The following GLRA3 variants were observed in gnomAD, a reference collection of about 807,000 sequenced individuals.
The protein encoded by GLRA3 is glycine receptor alpha 3, also known as glycine receptor subunit alpha-3.
Under a neutral mutation model 60.4 loss-of-function variants are expected in GLRA3, and 44 were observed. The ratio of observed to expected loss-of-function variants is 0.73; its 90% CI spans 0.57 to 0.94. The LOEUF (loss-of-function observed/expected upper bound fraction) is 0.94, where lower values mean the gene tolerates loss of function less well. GLRA3 is among the 40% of genes least tolerant of loss of function. The probability of loss-of-function intolerance (pLI) is 0.00; values close to 1 mark genes in which losing one functional copy is unlikely to be tolerated. For missense variants in GLRA3, 508 were observed against 564.6 expected (o/e 0.90, Z 1.02); for synonymous variants, 223 against 192.9 (o/e 1.16, Z -1.29).
rs113137314 is a variant in GLRA3, at chr4:174,817,559, A to G, written c.71+11182T>C. On this transcript the variant is annotated intron_variant, in intron 1 of 9. Transcript: ENST00000274093. ...CCGTTCAACAGCCCTCACTTCTACT[A>G]TACAATGAATTTTAGAAACAAAGAT... Among the ~76,000 whole-genome samples the G allele has an allele frequency of 6.2e-3, 948 of 152,280 alleles. 11 individuals are homozygous for G. Among genetic ancestry groups the G allele is most frequent in the African/African-American group, 0.022 (906 of 41,552 alleles).
At chr4:174,790,960 C>T (rs1390212085) in intron 1 of GLRA3, among the ~76,000 whole-genome samples, 23 of 147,152 alleles carry the variant, frequency 1.6e-4, no homozygotes, top group Non-Finnish European at 3.3e-4. Flanking sequence ...GCCGAGATCA[C>T]GCGACGGCAC....
rs760353838 is a variant in GLRA3 at position 174,640,344 on chromosome 4, T to C, written c.*3442A>G. On this transcript the variant is annotated 3_prime_UTR_variant, in exon 10 of 10. Transcript: ENST00000274093. Reference sequence around the variant, plus strand: ...CTGCAAGTATTTTCCATTTCAATTTTGGCAAGTCTCTTGTATTCTCTCATG... The same window carrying C: ...CTGCAAGTATTTTCCATTTCAATTTCGGCAAGTCTCTTGTATTCTCTCATG... 4.6e-5 allele frequency: 7 copies of C among 152,164 alleles called. No homozygotes were observed. Among genetic ancestry groups the C allele is most frequent in the Non-Finnish European group, 7.4e-5 (5 of 68,004 alleles). 9.4% of individuals were successfully genotyped at this position (152,164 alleles called of 1,614,324 possible). A position where few individuals can be genotyped will look rare whatever the true frequency, so the allele number is the denominator to read the frequency against.
rs1173408488 is a variant in GLRA3 at position 174,783,557 on chromosome 4, T to C, written c.199+5259A>G. Among the ~76,000 whole-genome samples the C allele has an allele frequency of 2.1e-5, 3 of 140,672 alleles. No individual in the cohort carries two copies. In the Admixed American group the frequency reaches 2.1e-4, roughly 10 times the overall value. The allele number at this position is 140,672 out of a possible 152,430, so 92.3% of individuals were successfully genotyped here. A position where few individuals can be genotyped will look rare whatever the true frequency, so the allele number is the denominator to read the frequency against. ...AACCTACAAAATGGGAGAAAATTTT[T>C]GCAACCTACTCATCTGACAAAGGGC... is the stretch of plus-strand genomic sequence containing the variant. On this transcript the variant is annotated intron_variant, in intron 2 of 9. Coordinates refer to ENST00000274093, the MANE Select transcript of GLRA3 (RefSeq NM_006529.4).
chr4:174,769,230 C>T (rs1397395940), intron 2 of GLRA3, among the ~76,000 whole-genome samples: 1 of 151,984 alleles, frequency 6.6e-6, no homozygotes, highest in Non-Finnish European at 1.5e-5. Flanking sequence ...TTTTTTCATA[C>T]ATCATCCCTA....
At chr4:174,723,222 A>G (rs775099436) in intron 4 of GLRA3, among the ~76,000 whole-genome samples, 1 of 152,122 alleles carries the variant, frequency 6.6e-6, no homozygotes, top group Non-Finnish European at 1.5e-5. Context: ...ATTCTTTAAT[A>G]TAATGCATTT....
chr4:174,779,098 T>G (rs1738751756), intron 2 of GLRA3, among the ~76,000 whole-genome samples: 1 of 152,178 alleles, frequency 6.6e-6, no homozygotes, highest in Non-Finnish European at 1.5e-5. Flanking sequence ...AGAGCAGTGG[T>G]TCTCCCAGCA....
intron 3 of GLRA3, among the ~76,000 whole-genome samples, chr4:174,765,359 T>C (rs1168422908): frequency 6.6e-6 from 1 of 152,016 alleles, no homozygotes; most frequent in African/African-American, 2.4e-5. Context: ...TTTTTCCAAG[T>C]CCCTTCCCTC....
chr4:174,710,361 C>G (rs1397766899), intron 5 of GLRA3, among the ~76,000 whole-genome samples: 1 of 152,100 alleles, frequency 6.6e-6, no homozygotes, highest in African/African-American at 2.4e-5. Flanking sequence ...CACAGTTAAG[C>G]AGACATCAGC....
intron 3 of GLRA3, among the ~76,000 whole-genome samples, chr4:174,735,447 A>C (rs1203427960): frequency 6.6e-6 from 1 of 152,226 alleles, no homozygotes; most frequent in Admixed American, 6.5e-5. Context: ...CACTCATTCC[A>C]ACAGAATATT....
chr4:174,720,123 CTG>C (rs979016721), intron 4 of GLRA3, among the ~76,000 whole-genome samples: 1 of 152,112 alleles, frequency 6.6e-6, no homozygotes, highest in African/African-American at 2.4e-5. Flanking sequence ...AAGAATGCCT[CTG>C]TACTACGAGT....
intron 6 of GLRA3, among the ~76,000 whole-genome samples, chr4:174,679,204 G>A (rs1440193985): frequency 1.3e-5 from 2 of 151,988 alleles, no homozygotes; most frequent in African/African-American, 2.4e-5. Flanking sequence ...GGTGGTGGGC[G>A]CCTGTAGTCC....
At chr4:174,784,197 T>C (rs1739020685) in intron 2 of GLRA3, among the ~76,000 whole-genome samples, 1 of 73,794 alleles carries the variant, frequency 1.4e-5, no homozygotes, top group Admixed American at 1.3e-4. Context: ...GAAATCATCA[T>C]TCTCAGTAAA....
At chr4:174,649,243 G>T (rs141866768) in intron 9 of GLRA3, among the ~76,000 whole-genome samples, 2 of 152,230 alleles carry the variant, frequency 1.3e-5, no homozygotes, top group African/African-American at 4.8e-5. Flanking sequence ...GAACAGGAAA[G>T]CAATATAAAG....
intron 1 of GLRA3, among the ~76,000 whole-genome samples, chr4:174,810,782 C>A (rs558543272): frequency 1.3e-5 from 2 of 152,134 alleles, no homozygotes; most frequent in African/African-American, 4.8e-5. Context: ...GCTTCATACA[C>A]AAGCTTTAAA....
intron 3 of GLRA3, among the ~76,000 whole-genome samples, chr4:174,751,145 C>G (rs1325455823): frequency 1.3e-5 from 2 of 151,714 alleles, no homozygotes; most frequent in African/African-American, 2.4e-5. Flanking sequence ...TGCTACCTAC[C>G]TATCTATCTA....
intron 7 of GLRA3, among the ~76,000 whole-genome samples, chr4:174,668,676 GA>G: frequency 6.6e-6 from 1 of 152,204 alleles, no homozygotes; most frequent in East Asian, 1.9e-4. Context: ...TTAAACTTAA[GA>G]AAAAGAAATT....
At chr4:174,766,630 G>A (rs1191902840) in intron 3 of GLRA3, among the ~76,000 whole-genome samples, 1 of 151,994 alleles carries the variant, frequency 6.6e-6, no homozygotes. Context: ...GAGTAAACAT[G>A]TAAGTATTTA....
intron 3 of GLRA3, among the ~76,000 whole-genome samples, chr4:174,736,051 T>G (rs1275154258): frequency 6.6e-6 from 1 of 152,116 alleles, no homozygotes; most frequent in Non-Finnish European, 1.5e-5. Flanking sequence ...TTCTAAGAAT[T>G]TCTTCCCAGT....
At chr4:174,739,810 G>C (rs1014383296) in intron 3 of GLRA3, among the ~76,000 whole-genome samples, 1 of 152,142 alleles carries the variant, frequency 6.6e-6, no homozygotes, top group African/African-American at 2.4e-5. Flanking sequence ...AGAAACAAGA[G>C]CCAACACGGT....
Sources: gnomAD v4.1 joint callset for allele counts (sites outside exome capture counted in the v4.1 genomes callset) on GRCh38, gnomAD v4.1.1 for gene constraint, MANE v1.5 for transcripts, NCBI Gene and HGNC (gene_info 2026-07-23, HGNC 2026-07-21) for gene names.